Variants in ECPAS observed in about 807,000 individuals in gnomAD.
ECPAS encodes Ecm29 proteasome adaptor and scaffold, also known as proteasome adapter and scaffold protein ECM29.
Under a neutral mutation model 255.1 loss-of-function variants are expected in ECPAS, and 70 were observed. That is an observed-to-expected ratio of 0.27 (90% CI 0.23 to 0.33). ECPAS has a LOEUF of 0.33. ECPAS is among the 10% of genes least tolerant of loss of function. The pLI, the probability that ECPAS is intolerant of heterozygous loss-of-function variation, is 1.00. For missense variants in ECPAS, 1,817 were observed against 2,206.4 expected, an observed-to-expected ratio of 0.82 and a Z score of 3.54; for synonymous variants, 784 against 775.0, an observed-to-expected ratio of 1.01 and a Z score of -0.19.
chr9:111,387,130 C>T (rs1483861189), intron 31 of ECPAS, among the ~76,000 whole-genome samples: 1 of 152,016 alleles, frequency 6.6e-6, no homozygotes, highest in Non-Finnish European at 1.5e-5. Flanking sequence ...GAGTCTCACT[C>T]ATCATCAGTG....
At chr9:111,400,423 A>C (rs1242734074) in intron 24 of ECPAS, among the ~76,000 whole-genome samples, 2 of 152,206 alleles carry the variant, frequency 1.3e-5, no homozygotes, top group African/African-American at 4.8e-5. Flanking sequence ...TTCACCCTAA[A>C]CAAACAGACT....
intron 7 of ECPAS, among the ~76,000 whole-genome samples, chr9:111,434,826 G>A (rs12344571): frequency 0.032 from 4,796 of 149,884 alleles, 260 homozygotes; most frequent in African/African-American, 0.11. Flanking sequence ...TCGAACTCCT[G>A]ACCTCAAGCG....
chr9:111,396,074 G>A (rs1443272882), intron 25 of ECPAS, among the ~76,000 whole-genome samples: 2 of 152,090 alleles, frequency 1.3e-5, no homozygotes, highest in African/African-American at 4.8e-5. Context: ...CTAAATTAAT[G>A]CATTATTCAT....
chr9:111,383,020 T>C (rs2098142602), intron 35 of ECPAS, among the ~76,000 whole-genome samples, 191 bp downstream of exon 35: 1 of 152,220 alleles, frequency 6.6e-6, no homozygotes, highest in South Asian at 2.1e-4. Flanking sequence ...TGACTCAGAA[T>C]GCTAGGCAAA....
intron 1 of ECPAS, among the ~76,000 whole-genome samples, chr9:111,477,900 CT>C (rs34461136): frequency 0.016 from 2,198 of 138,240 alleles, 9 homozygotes; most frequent in Middle Eastern, 0.034. Context: ...TTTTTGGCAA[CT>C]TTTTTTTTTT....
intron 6 of ECPAS, 44 bp downstream of exon 6, chr9:111,440,328 G>T: frequency 6.5e-7 from 1 of 1,536,092 alleles, no homozygotes; most frequent in Non-Finnish European, 8.9e-7. Flanking sequence ...ACTCCCCGTA[G>T]TAAAAGCAGT....
Position 111,389,613 on chromosome 9 carries a change from A to C in ECPAS, c.3390T>G (p.Leu1130=), listed in dbSNP as rs1309127819. The change falls in exon 31 of 50, where the codon CTT becomes CTG. Residue 1130 remains leucine, a synonymous_variant. Transcript: ENST00000684092. The stretch of plus-strand genomic sequence containing the variant: ...TACTTGTCATGGCCTGTCGAATGCC[A>C]AGGTTGGGATCAAACTGGTAACGAT... ...RLYRYQFDPN[L]GIRQAMTSIW... The C allele has an allele frequency of 6.2e-7, 1 of 1,613,912 alleles. No homozygotes were observed. Among genetic ancestry groups the C allele is most frequent in the Admixed American group, 1.7e-5 (1 of 60,018 alleles).
chr9:111,438,717 T>C (rs905431271), intron 6 of ECPAS, among the ~76,000 whole-genome samples: 1 of 152,202 alleles, frequency 6.6e-6, no homozygotes, highest in African/African-American at 2.4e-5. Flanking sequence ...GCATCTGCCA[T>C]TCTATCAGAT....
At chr9:111,433,423 A>G in intron 7 of ECPAS, 51 bp from the exon 8 acceptor site, 1 of 1,599,040 alleles carries the variant, frequency 6.3e-7, no homozygotes, top group Non-Finnish European at 8.6e-7. Context: ...AGCAAAGGAC[A>G]CCCACTGAAA....
intron 1 of ECPAS, among the ~76,000 whole-genome samples, chr9:111,482,431 T>C (rs1294091847): frequency 2.0e-5 from 3 of 152,182 alleles, no homozygotes; most frequent in Non-Finnish European, 4.4e-5. Context: ...AGGGCAAAAG[T>C]GAGATCATGT....
Position 111,374,046 on chromosome 9 carries a change from G to A in ECPAS, c.4111-8C>T. 6.2e-7 allele frequency: 1 copy of A among 1,610,072 alleles called. No individual in the cohort carries two copies. Among genetic ancestry groups the A allele is most frequent in the Non-Finnish European group, 8.5e-7 (1 of 1,176,442 alleles). ...GACACTGGCACAGCCACCCTACAGGGTTACAAAAGCAAAGGTCTAAATCTG... is the reference window on the plus strand; with the variant it reads ...GACACTGGCACAGCCACCCTACAGGATTACAAAAGCAAAGGTCTAAATCTG... On this transcript the variant is annotated splice_polypyrimidine_tract_variant and splice_region_variant and intron_variant, in intron 38 of 49. Transcript: ENST00000684092.
rs1194686876 is a variant in ECPAS, at chr9:111,425,782, C to T, written c.1097G>A (p.Arg366Lys). ...LFGTNTNSKL[R>K]TLSLQFVHHI... ...ATGCACAAATTGCAGGGATAATGTT[C>T]TTAACTTTGAATTTGTATTTGTACC... The change falls in exon 11 of 50, where the codon AGA (arginine) becomes AAA (lysine). Residue 366 changes from arginine (R) to lysine (K), a missense_variant. Arg to Lys is a conservative substitution (Grantham distance 26). Around this residue, in one of 4 missense-constraint regions of ECPAS, gnomAD observed 573 missense variants for 716.2 expected, o/e 0.80. Coordinates refer to ENST00000684092, the MANE Select transcript of ECPAS (RefSeq NM_001364929.1). 1 of 1,590,556 alleles carries T rather than the reference C, an allele frequency of 6.3e-7. No homozygotes were observed. Among genetic ancestry groups the T allele is most frequent in the South Asian group, 1.1e-5 (1 of 88,974 alleles).
At chr9:111,378,148 A>AAAAAAT (rs368322869) in intron 36 of ECPAS, among the ~76,000 whole-genome samples, 7,979 of 151,192 alleles carry the variant, frequency 0.053, 533 homozygotes, top group African/African-American at 0.14. Context: ...TCCGTCTCCA[A>AAAAAAT]AAAAATAAAA....
rs775098759 is a variant in ECPAS, at chr9:111,378,597, C to T, written c.3937G>A (p.Ala1313Thr). 25 of 1,613,278 alleles carry T rather than the reference C, an allele frequency of 1.5e-5. No individual in the cohort carries two copies. Among genetic ancestry groups the T allele is most frequent in the South Asian group, 5.5e-5 (5 of 91,036 alleles). The stretch of plus-strand genomic sequence containing the variant: ...CCACTCACCTTTTCTTGCTCTGTCG[C>T]CCGGAGGCTCAAATAATTGAGAACT... ...PQVLNYLSLR[A>T]TEQEKAAMDS... The change falls in exon 36 of 50, where the codon GCG (alanine) becomes ACG (threonine). Residue 1313 changes from alanine (A) to threonine (T), a missense_variant. By Grantham distance (58) the Ala-to-Thr change is moderately conservative. Around this residue, in one of 4 missense-constraint regions of ECPAS, gnomAD observed 960 missense variants for 1,179.0 expected, o/e 0.81. Coordinates refer to ENST00000684092, the MANE Select transcript of ECPAS (RefSeq NM_001364929.1).
At chr9:111,364,136 C>T (rs1337487705) in intron 48 of ECPAS, among the ~76,000 whole-genome samples, 4 of 152,162 alleles carry the variant, frequency 2.6e-5, no homozygotes, top group African/African-American at 9.7e-5. Flanking sequence ...GATGCTGCTG[C>T]CAACAACTGC....
At position 111,363,082 on chromosome 9, in the gene ECPAS, C is replaced by A. The variant is rs113985638; in HGVS notation, c.5380+506G>T. 3.0e-3 allele frequency among the ~76,000 whole-genome samples: 458 copies of A among 152,210 alleles called. 3 individuals carry two copies. Among genetic ancestry groups the A allele is most frequent in the African/African-American group, 1.0e-2 (414 of 41,546 alleles). On this transcript the variant is annotated intron_variant, in intron 49 of 49. Coordinates refer to ENST00000684092, the MANE Select transcript of ECPAS (RefSeq NM_001364929.1). ...CTCCTTCTGAAGTCAGTAACAGATA[C>A]ACCACTGGAGAAAATGCTAACAGTT... is the stretch of plus-strand genomic sequence containing the variant.
chr9:111,374,965 A>G (rs2098131699), intron 38 of ECPAS, 148 bp downstream of exon 38: 1 of 620,952 alleles, frequency 1.6e-6, no homozygotes, highest in Admixed American at 2.6e-5. Context: ...ACATGTTTTC[A>G]GTTATCAGTG....
chr9:111,477,716 G>A (rs2132115983), intron 1 of ECPAS, among the ~76,000 whole-genome samples: 1 of 152,256 alleles, frequency 6.6e-6, no homozygotes, highest in Non-Finnish European at 1.5e-5. Flanking sequence ...TCACAGGGTT[G>A]TTCTGAGGAT....
chr9:111,483,914 C>T (rs2098311113), intron 1 of ECPAS: 1 of 692,736 alleles, frequency 1.4e-6, no homozygotes, highest in Non-Finnish European at 1.8e-6. Flanking sequence ...GAGCCATCCT[C>T]CCAGCGGCCC....
Sources: gnomAD v4.1 joint callset for allele counts (sites outside exome capture counted in the v4.1 genomes callset) on GRCh38, gnomAD v4.1.1 for gene constraint, gnomAD v4.1.1 regional missense constraint, MANE v1.5 for transcripts, NCBI Gene and HGNC (gene_info 2026-07-23, HGNC 2026-07-21) for gene names.